The following HUNK variants were observed in gnomAD, a reference collection of about 807,000 sequenced individuals.
The protein encoded by HUNK is hormonally up-regulated Neu-associated kinase.
A neutral mutation model predicts 61.0 loss-of-function variants in HUNK; 21 were observed. The ratio of observed to expected loss-of-function variants is 0.34; its 90% CI spans 0.24 to 0.50. The LOEUF (loss-of-function observed/expected upper bound fraction) is 0.50, where lower values mean the gene tolerates loss of function less well. Among genes scored for constraint, HUNK ranks in the 20% least tolerant of loss-of-function variants. The pLI is 0.98. For synonymous variants in HUNK, 371 were observed against 386.1 expected, an observed-to-expected ratio of 0.96 and a Z score of 0.46; for missense variants, 772 against 945.7, an observed-to-expected ratio of 0.82 and a Z score of 2.41.
At chr21:31,974,790 CA>C in intron 7 of HUNK, 73 bp downstream of exon 7, 1 of 1,363,136 alleles carries the variant, frequency 7.3e-7, no homozygotes, top group Non-Finnish European at 9.9e-7. Context: ...AAGTGCTTCT[CA>C]GTTGCTGACA....
rs755250814 is a variant in HUNK, at chr21:31,968,408, A to C, written c.1010+23A>C. The stretch of plus-strand genomic sequence containing the variant: ...CAGGTAATTTCGTGCACCCAGAGGA[A>C]CTCCTCGGGAGAGACGGGGCCTGTC... On this transcript the variant is annotated intron_variant, in intron 6 of 10. Coordinates refer to ENST00000270112, the MANE Select transcript of HUNK (RefSeq NM_014586.2). 1.9e-6 allele frequency: 3 copies of C among 1,613,550 alleles called. No homozygotes were observed. In the Admixed American group the frequency reaches 5.0e-5, roughly 27 times the overall value.
At chr21:31,980,234 G>A (rs564972560) in intron 7 of HUNK, among the ~76,000 whole-genome samples, 1 of 152,020 alleles carries the variant, frequency 6.6e-6, no homozygotes, top group East Asian at 2.0e-4. Context: ...ACCATGCCCA[G>A]CAAATTTTTG....
At chr21:31,939,901 C>T (rs2052758555) in intron 2 of HUNK, among the ~76,000 whole-genome samples, 1 of 151,924 alleles carries the variant, frequency 6.6e-6, no homozygotes, top group African/African-American at 2.4e-5. Context: ...TTAGGTCTTG[C>T]TTTTTCCAGA....
chr21:31,899,373 C>T (rs1168596885), intron 1 of HUNK, among the ~76,000 whole-genome samples: 1 of 152,108 alleles, frequency 6.6e-6, no homozygotes, highest in Admixed American at 6.5e-5. Flanking sequence ...AGTCTTTGGC[C>T]TGCTTTGGCT....
chr21:31,949,751 A>G (rs760241549), intron 4 of HUNK, among the ~76,000 whole-genome samples: 1 of 152,218 alleles, frequency 6.6e-6, no homozygotes, highest in Non-Finnish European at 1.5e-5. Context: ...TACAAGAAGC[A>G]TGGTGGCAGC....
intron 2 of HUNK, among the ~76,000 whole-genome samples, chr21:31,933,255 G>T (rs988644417): frequency 8.5e-5 from 13 of 152,068 alleles, no homozygotes; most frequent in African/African-American, 3.1e-4. Flanking sequence ...CCCCTTTGTT[G>T]CTTCTCCTAG....
At chr21:31,918,573 G>T (rs1374045255) in intron 1 of HUNK, among the ~76,000 whole-genome samples, 1 of 152,234 alleles carries the variant, frequency 6.6e-6, no homozygotes, top group Non-Finnish European at 1.5e-5. Flanking sequence ...CCTAAGGGGA[G>T]ACTTGGACTT....
In HUNK at chr21:31,999,255, T is replaced by A. The variant is rs1361073091; in HGVS notation, c.*71T>A. On this transcript the variant is annotated 3_prime_UTR_variant, in exon 11 of 11. Coordinates refer to ENST00000270112, the MANE Select transcript of HUNK (RefSeq NM_014586.2). ...ACAGAGCTCCACACATCTGTCAGGGTGTGAGCACTCCAAGGCCTCGCGTGG... is the reference window on the plus strand; with the variant it reads ...ACAGAGCTCCACACATCTGTCAGGGAGTGAGCACTCCAAGGCCTCGCGTGG... The A allele has an allele frequency of 1.4e-6, 2 of 1,401,760 alleles. No homozygotes were observed. The highest frequency in any genetic ancestry group is 4.6e-5 in the East Asian group (2 of 43,506). 86.8% of individuals were successfully genotyped at this position (1,401,760 alleles called of 1,614,324 possible).
chr21:31,938,312 C>G (rs1489452545), intron 2 of HUNK, among the ~76,000 whole-genome samples: 1 of 152,190 alleles, frequency 6.6e-6, no homozygotes, highest in Non-Finnish European at 1.5e-5. Flanking sequence ...CCTTTCAAGG[C>G]TTCAGCATCT....
chr21:31,978,520 T>C (rs1270697539), intron 7 of HUNK, among the ~76,000 whole-genome samples: 1 of 152,144 alleles, frequency 6.6e-6, no homozygotes, highest in East Asian at 1.9e-4. Flanking sequence ...ACCATCATTC[T>C]ACTCTCTACT....
intron 2 of HUNK, among the ~76,000 whole-genome samples, chr21:31,937,629 A>C (rs752726421): frequency 6.6e-6 from 1 of 152,236 alleles, no homozygotes; most frequent in Non-Finnish European, 1.5e-5. Context: ...GTTTGAATAA[A>C]ATTGTTTCAT....
intron 4 of HUNK, among the ~76,000 whole-genome samples, chr21:31,950,004 A>G (rs1166209063): frequency 1.3e-5 from 2 of 152,198 alleles, no homozygotes; most frequent in African/African-American, 2.4e-5. Flanking sequence ...ACTTGCCCCC[A>G]TGACACAGCC....
At position 31,940,626 on chromosome 21, in the gene HUNK, C is replaced by G. The variant is rs549793097; in HGVS notation, c.610+406C>G. Among the ~76,000 whole-genome samples the G allele has an allele frequency of 2.3e-3, 346 of 152,236 alleles. 1 individual carries two copies. Among genetic ancestry groups the G allele is most frequent in the Non-Finnish European group, 4.0e-3 (271 of 68,030 alleles). ...CTTTTTAATACAATCTTTATTCAGG[C>G]TTGTTGGTACAATGGGAGCTGTGCA... On this transcript the variant is annotated intron_variant, in intron 3 of 10. Coordinates refer to ENST00000270112, the MANE Select transcript of HUNK (RefSeq NM_014586.2).
chr21:31,894,551 C>A (rs957774238), intron 1 of HUNK, among the ~76,000 whole-genome samples: 1 of 152,114 alleles, frequency 6.6e-6, no homozygotes, highest in Non-Finnish European at 1.5e-5. Flanking sequence ...CTGCTGGTAA[C>A]CTGTATGGGC....
At chr21:31,880,049 G>A (rs2052294417) in intron 1 of HUNK, among the ~76,000 whole-genome samples, 1 of 152,214 alleles carries the variant, frequency 6.6e-6, no homozygotes, top group African/African-American at 2.4e-5. Flanking sequence ...CACAGGGACT[G>A]AATAGTCCCC....
At chr21:31,918,193 C>A (rs1253482268) in intron 1 of HUNK, among the ~76,000 whole-genome samples, 1 of 150,856 alleles carries the variant, frequency 6.6e-6, no homozygotes, top group Non-Finnish European at 1.5e-5. Context: ...AACGGCATTC[C>A]ATTTCAGTAT....
Position 31,999,343 on chromosome 21 carries a change from CT to C in HUNK, c.*161del. 1 of 614,928 alleles carries C rather than the reference CT, an allele frequency of 1.6e-6. No individual in the cohort carries two copies. Among genetic ancestry groups the C allele is most frequent in the Non-Finnish European group, 2.8e-6 (1 of 362,142 alleles). 38.1% of individuals were successfully genotyped at this position (614,928 alleles called of 1,614,324 possible). A position where few individuals can be genotyped will look rare whatever the true frequency, so the allele number is the denominator to read the frequency against. On this transcript the variant is annotated 3_prime_UTR_variant, in exon 11 of 11. Coordinates refer to ENST00000270112, the MANE Select transcript of HUNK (RefSeq NM_014586.2). ...CCAAAGCCTGCACAACCCAACCTCG[CT>C]TAGGGACCCCCAGAGATGCTGGAAT...
rs552344376 is a variant in HUNK, at chr21:31,916,303, G to T, written c.262-8165G>T. ...CTGGCCTCGTTATCCGCCCGCCTCGGCCTCCCAAAGTGCTGGGATTACAGG... is the reference window on the plus strand; with the variant it reads ...CTGGCCTCGTTATCCGCCCGCCTCGTCCTCCCAAAGTGCTGGGATTACAGG... On this transcript the variant is annotated intron_variant, in intron 1 of 10. Coordinates refer to ENST00000270112, the MANE Select transcript of HUNK (RefSeq NM_014586.2). Among the ~76,000 whole-genome samples the T allele has an allele frequency of 6.6e-5, 10 of 152,038 alleles. 1 individual carries two copies. In the South Asian group the frequency reaches 2.1e-3, roughly 32 times the overall value.
chr21:31,894,012 C>T (rs1670795948), intron 1 of HUNK, among the ~76,000 whole-genome samples: 1 of 152,188 alleles, frequency 6.6e-6, no homozygotes, highest in South Asian at 2.1e-4. Flanking sequence ...CCTGTGGTTT[C>T]TCCCTTCTTC....
Sources: gnomAD v4.1 joint callset for allele counts (sites outside exome capture counted in the v4.1 genomes callset) on GRCh38, gnomAD v4.1.1 for gene constraint, MANE v1.5 for transcripts, NCBI Gene and HGNC (gene_info 2026-07-23, HGNC 2026-07-21) for gene names.